BCL11A: variants seen among roughly 807,000 people sequenced by gnomAD.
BCL11A encodes B cell CLL/lymphoma 11A.
Under a neutral mutation model 55.9 loss-of-function variants are expected in BCL11A, and 2 were observed. The observed-to-expected ratio is 0.04, with a 90% CI of 0.01 to 0.11. The LOEUF (loss-of-function observed/expected upper bound fraction) is 0.11, where lower values mean the gene tolerates loss of function less well. BCL11A is among the 10% of genes least tolerant of loss of function. The pLI is 1.00. For synonymous variants in BCL11A, 465 were observed against 473.4 expected (o/e 0.98, Z 0.23); for missense variants, 817 against 1,137.1 (o/e 0.72, Z 4.05).
intron 2 of BCL11A, among the ~76,000 whole-genome samples, chr2:60,487,620 C>A (rs538696950): frequency 2.0e-5 from 3 of 152,156 alleles, no homozygotes; most frequent in African/African-American, 7.2e-5. Context: ...GAAGGCTTAG[C>A]GGATCCCCCT....
chr2:60,530,506 G>A (rs759627301), intron 2 of BCL11A, among the ~76,000 whole-genome samples: 5 of 151,682 alleles, frequency 3.3e-5, no homozygotes, highest in Admixed American at 6.6e-5. Context: ...TTTTCCCAAC[G>A]GCAAGCCAGG....
At chr2:60,534,911 A>T (rs1040079943) in intron 2 of BCL11A, 4 of 152,248 alleles carry the variant, frequency 2.6e-5, no homozygotes, top group Non-Finnish European at 5.9e-5. Flanking sequence ...AATCTTGAGA[A>T]GAAAAAACAC....
intron 1 of BCL11A, among the ~76,000 whole-genome samples, chr2:60,550,523 C>T (rs999803414): frequency 6.6e-6 from 1 of 150,540 alleles, no homozygotes; most frequent in Non-Finnish European, 1.5e-5. Context: ...TGCCTCCTAG[C>T]GACCGAATGG....
Position 60,459,527 on chromosome 2 carries a change from G to A in BCL11A, c.*877C>T. The stretch of plus-strand genomic sequence containing the variant: ...AATGATGATTAACTAGGACATAATG[G>A]GTCATCTTTTTAGGTAGCCATTGTT... On this transcript the variant is annotated 3_prime_UTR_variant, in exon 4 of 4. Transcript: ENST00000642384. The A allele has an allele frequency of 9.8e-7, 1 of 1,023,612 alleles. No individual in the cohort carries two copies. Among genetic ancestry groups the A allele is most frequent in the Admixed American group, 5.8e-5 (1 of 17,266 alleles). 63.4% of individuals were successfully genotyped at this position (1,023,612 alleles called of 1,614,324 possible). A position where few individuals can be genotyped will look rare whatever the true frequency, so the allele number is the denominator to read the frequency against.
chr2:60,451,596 G>C (rs543807046), exon 5 of BCL11A: 7 of 231,254 alleles, frequency 3.0e-5, no homozygotes, highest in African/African-American at 1.3e-4. Context: ...ATTTCCTGAT[G>C]TAAGTACTAA....
intron 2 of BCL11A, among the ~76,000 whole-genome samples, chr2:60,539,863 C>G (rs1226140760): frequency 6.6e-6 from 1 of 152,084 alleles, no homozygotes; most frequent in African/African-American, 2.4e-5. Context: ...GGTAAATTTA[C>G]TGATATTGGC....
chr2:60,461,473 G>T lies in BCL11A; in HGVS notation c.1439C>A (p.Pro480Gln). The T allele has an allele frequency of 6.2e-7, 1 of 1,604,622 alleles. No homozygotes were observed. Among genetic ancestry groups the T allele is most frequent in the South Asian group, 1.1e-5 (1 of 91,012 alleles). ...FKSENDPNLI[P>Q]ENGDEEEEED... Reference sequence around the variant, plus strand: ...CTCTTCCTCCTCGTCCCCGTTCTCCGGGATCAGGTTGGGGTCGTTCTCGCT... The same window carrying T: ...CTCTTCCTCCTCGTCCCCGTTCTCCTGGATCAGGTTGGGGTCGTTCTCGCT... The change falls in exon 4 of 4, where the codon CCG (proline) becomes CAG (glutamine). Residue 480 changes from proline (P) to glutamine (Q), a missense_variant. Around this residue, in one of 4 missense-constraint regions of BCL11A, gnomAD observed 379 missense variants for 425.3 expected, o/e 0.89. Transcript: ENST00000642384.
At chr2:60,523,717 C>T (rs1424391416) in intron 2 of BCL11A, among the ~76,000 whole-genome samples, 1 of 151,438 alleles carries the variant, frequency 6.6e-6, no homozygotes, top group Non-Finnish European at 1.5e-5. Flanking sequence ...CTCCAGTAAG[C>T]AAAATCATTC....
At chr2:60,535,359 G>T (rs1047650907) in intron 2 of BCL11A, 7 of 152,046 alleles carry the variant, frequency 4.6e-5, no homozygotes, top group Non-Finnish European at 1.0e-4. Context: ...AAGCCAAAGG[G>T]GCTAAGATAC....
rs1265527919 is a variant in BCL11A, at chr2:60,459,280, A to G, written c.*1124T>C. 2.0e-6 allele frequency: 2 copies of G among 1,017,278 alleles called. No homozygotes were observed. Among genetic ancestry groups the G allele is most frequent in the East Asian group, 1.3e-4 (2 of 15,058 alleles). The allele number at this position is 1,017,278 out of a possible 1,614,324, so 63.0% of individuals were successfully genotyped here. ...TATTTCTTTTGGTGCCAGTATTTTT[A>G]AAAAGACATTATTAAAGCAAATATC... On this transcript the variant is annotated 3_prime_UTR_variant, in exon 4 of 4. Coordinates refer to ENST00000642384, the MANE Select transcript of BCL11A (RefSeq NM_022893.4).
chr2:60,494,211 AGC>A (rs1272786811), intron 2 of BCL11A, among the ~76,000 whole-genome samples: 2 of 152,174 alleles, frequency 1.3e-5, no homozygotes, highest in African/African-American at 4.8e-5. Context: ...ACACAGGCTA[AGC>A]AAGAGTGAGA....
At chr2:60,493,685 A>T (rs1678781597) in intron 2 of BCL11A, among the ~76,000 whole-genome samples, 1 of 152,172 alleles carries the variant, frequency 6.6e-6, no homozygotes, top group Non-Finnish European at 1.5e-5. Flanking sequence ...GACCTCCCCC[A>T]TTAGCAGCAT....
At chr2:60,465,937 G>A (rs1176823330) in intron 3 of BCL11A, among the ~76,000 whole-genome samples, 1 of 152,168 alleles carries the variant, frequency 6.6e-6, no homozygotes, top group African/African-American at 2.4e-5. Flanking sequence ...AAGAGCAGGG[G>A]TGACTGGCAC....
intron 2 of BCL11A, chr2:60,526,064 T>C (rs1669190076): frequency 6.6e-6 from 1 of 152,200 alleles, no homozygotes. Flanking sequence ...ATGTGGTTTT[T>C]TTCTAACCAC....
chr2:60,462,488 AT>A lies in BCL11A; in HGVS notation c.488-65del, dbSNP rs1352085410. 1.9e-6 allele frequency: 3 copies of A among 1,545,160 alleles called. No homozygotes were observed. The African/African-American group carries it at 4.1e-5, about 21-fold the overall frequency. ...CTGAGGCGGGCATCAGCAATTGCTTATTTATGTTCCACCTCCAGCCTTCCCT... is the reference window on the plus strand; with the variant it reads ...CTGAGGCGGGCATCAGCAATTGCTTATTATGTTCCACCTCCAGCCTTCCCT... On this transcript the variant is annotated intron_variant, in intron 3 of 3. Coordinates refer to ENST00000642384, the MANE Select transcript of BCL11A (RefSeq NM_022893.4).
At chr2:60,481,884 C>G (rs957807110) in intron 2 of BCL11A, among the ~76,000 whole-genome samples, 1 of 152,172 alleles carries the variant, frequency 6.6e-6, no homozygotes, top group Non-Finnish European at 1.5e-5. Context: ...GGGGAAAAGC[C>G]TCAACACACA....
chr2:60,485,081 A>T lies in BCL11A; in HGVS notation c.386-16248T>A, dbSNP rs540076085. Among the ~76,000 whole-genome samples, 3 of 152,340 alleles carry T rather than the reference A, an allele frequency of 2.0e-5. No individual in the cohort carries two copies. The South Asian group carries it at 6.2e-4, about 32-fold the overall frequency. ...CACCACCAAGGCATAGCCTTGGAAGAAAAAGGCATCCCTTGCAGCCACAAT... is the reference window on the plus strand; with the variant it reads ...CACCACCAAGGCATAGCCTTGGAAGTAAAAGGCATCCCTTGCAGCCACAAT... On this transcript the variant is annotated intron_variant, in intron 2 of 3. Transcript: ENST00000642384.
intron 1 of BCL11A, among the ~76,000 whole-genome samples, chr2:60,552,667 C>T (rs958039346): frequency 9.9e-5 from 15 of 152,184 alleles, no homozygotes; most frequent in African/African-American, 3.1e-4. Flanking sequence ...TACTTTCCTC[C>T]CGCTGCACAC....
In BCL11A at chr2:60,491,999, A is replaced by G. The variant is rs183895611; in HGVS notation, c.386-23166T>C. Among the ~76,000 whole-genome samples the G allele has an allele frequency of 6.6e-5, 10 of 152,338 alleles. No individual in the cohort carries two copies. In the East Asian group the frequency reaches 1.9e-3, roughly 29 times the overall value. ...GAGGAAGATGGATGTAGGAAAAACA[A>G]AAACCCTCACTTTACAGGAATTCAG... is the stretch of plus-strand genomic sequence containing the variant. On this transcript the variant is annotated intron_variant, in intron 2 of 3. Coordinates refer to ENST00000642384, the MANE Select transcript of BCL11A (RefSeq NM_022893.4).
Sources: gnomAD v4.1 joint callset for allele counts (sites outside exome capture counted in the v4.1 genomes callset) on GRCh38, gnomAD v4.1.1 for gene constraint, gnomAD v4.1.1 regional missense constraint, MANE v1.5 for transcripts, NCBI Gene and HGNC (gene_info 2026-07-23, HGNC 2026-07-21) for gene names.